Variants in SORL1 observed in about 807,000 individuals in gnomAD.
SORL1 encodes sortilin related receptor 1.
A neutral mutation model predicts 273.7 loss-of-function variants in SORL1; 127 were observed. That is an observed-to-expected ratio of 0.46 (90% confidence interval 0.40 to 0.54). The LOEUF is 0.54. Ranked by LOEUF, SORL1 falls within the 20% of genes least tolerant of loss-of-function variation. The pLI is 0.00. For missense variants in SORL1, 2,494 were observed against 2,846.1 expected, an observed-to-expected ratio of 0.88 and a Z score of 2.81; for synonymous variants, 1,031 against 1,067.4, an observed-to-expected ratio of 0.97 and a Z score of 0.66.
At chr11:121,543,360 G>A (rs1862376156) in intron 12 of SORL1, among the ~76,000 whole-genome samples, 188 bp from the exon 13 acceptor site, 1 of 152,074 alleles carries the variant, frequency 6.6e-6, no homozygotes, top group South Asian at 2.1e-4. Context: ...CATCAGGCTG[G>A]TTCCTGTGTT....
At position 121,588,150 on chromosome 11, in the gene SORL1, C is replaced by T; in HGVS notation, c.3945C>T (p.Cys1315=). The change falls in exon 28 of 48, where the codon TGC becomes TGT. Residue 1315 remains cysteine, a splice_region_variant and synonymous_variant. Coordinates refer to ENST00000260197, the MANE Select transcript of SORL1 (RefSeq NM_003105.6). The part of the protein sequence containing the change: ...GSDEDAAFAG[C]SQDPEFHKVC... ...ATGAGGATGCGGCGTTTGCAGGATG[C>T]TGTGAGTTGGGGCAGGCAGGGGAGG... The T allele has an allele frequency of 6.2e-7, 1 of 1,612,810 alleles. No homozygotes were observed.
intron 29 of SORL1, among the ~76,000 whole-genome samples, chr11:121,589,801 T>C (rs1863181844): frequency 6.6e-6 from 1 of 152,252 alleles, no homozygotes; most frequent in Non-Finnish European, 1.5e-5. Flanking sequence ...GTGATTGTTC[T>C]CAGGATATTG....
At chr11:121,610,742 A>G (rs1195264946) in intron 38 of SORL1, 4 of 194,450 alleles carry the variant, frequency 2.1e-5, no homozygotes, top group Non-Finnish European at 4.2e-5. Context: ...GCCAATCAAG[A>G]TGCCACTCGC....
At chr11:121,622,946 G>C (rs1390809212) in intron 45 of SORL1, among the ~76,000 whole-genome samples, 1 of 152,178 alleles carries the variant, frequency 6.6e-6, no homozygotes, top group East Asian at 1.9e-4. Context: ...TGGCTACCTG[G>C]AGATGCAGCA....
chr11:121,627,500 TG>T lies in SORL1; in HGVS notation c.6365-53del. On this transcript the variant is annotated intron_variant, in intron 46 of 47. Transcript: ENST00000260197. The surrounding 1 kb of genome is among the most constrained non-coding windows in gnomAD (Gnocchi z 4.9). Reference sequence around the variant, plus strand: ...GTGGGTGGGGCCTTGAGGAGTCATCTGGTCTGTTCTCCTGCCCTCAGGTGGG... The same window carrying T: ...GTGGGTGGGGCCTTGAGGAGTCATCTGTCTGTTCTCCTGCCCTCAGGTGGG... 1 of 1,463,488 alleles carries T rather than the reference TG, an allele frequency of 6.8e-7. No individual in the cohort carries two copies. Among genetic ancestry groups the T allele is most frequent in the Non-Finnish European group, 9.6e-7 (1 of 1,044,210 alleles). The allele number at this position is 1,463,488 out of a possible 1,614,324, so 90.7% of individuals were successfully genotyped here.
At position 121,633,165 on chromosome 11, in the gene SORL1, C is replaced by T. The variant is rs1417846908; in HGVS notation, c.*3602C>T. ...AGGAAGAGATATGTACTGCTGGGTA[C>T]ATGGACAGTAAGTGTGTTTTCAGAT... On this transcript the variant is annotated 3_prime_UTR_variant, in exon 48 of 48. Coordinates refer to ENST00000260197, the MANE Select transcript of SORL1 (RefSeq NM_003105.6). 6.6e-6 allele frequency: 1 copy of T among 152,146 alleles called. No homozygotes were observed. The highest frequency in any genetic ancestry group is 1.5e-5 in the Non-Finnish European group (1 of 68,030). The allele number at this position is 152,146 out of a possible 1,614,324, so 9.4% of individuals were successfully genotyped here.
rs546172357 is a variant in SORL1, at chr11:121,627,466, C to CT, written c.6365-82dup. 1.1e-4 allele frequency: 123 copies of CT among 1,087,628 alleles called. No individual in the cohort carries two copies. The highest frequency in any genetic ancestry group is 6.0e-4 in the African/African-American group (39 of 64,544). The allele number at this position is 1,087,628 out of a possible 1,614,324, so 67.4% of individuals were successfully genotyped here. ...TTGTGTAGCTGTGGCTATCGCCCAGCTTTTTTTGGTGGGTGGGGCCTTGAG... is the reference window on the plus strand; with the variant it reads ...TTGTGTAGCTGTGGCTATCGCCCAGCTTTTTTTTGGTGGGTGGGGCCTTGAG... On this transcript the variant is annotated intron_variant, in intron 46 of 47. Transcript: ENST00000260197. This position sits in a 1 kb window ranked among gnomAD's most constrained non-coding sequence, Gnocchi z 4.9.
At chr11:121,536,180 G>A (rs1468986433) in intron 12 of SORL1, among the ~76,000 whole-genome samples, 1 of 152,074 alleles carries the variant, frequency 6.6e-6, no homozygotes, top group South Asian at 2.1e-4. Context: ...TTTCATAGGG[G>A]CTTCTCTCTG....
At chr11:121,547,488 G>A (rs934376184) in intron 14 of SORL1, among the ~76,000 whole-genome samples, 1 of 140,760 alleles carries the variant, frequency 7.1e-6, no homozygotes, top group African/African-American at 2.7e-5. Context: ...GTGCCCTCCT[G>A]GGTAAACTGG....
intron 1 of SORL1, among the ~76,000 whole-genome samples, chr11:121,459,100 A>G (rs1565299086): frequency 6.6e-6 from 1 of 152,182 alleles, no homozygotes; most frequent in Non-Finnish European, 1.5e-5. Context: ...TCTTTCTGTG[A>G]TAGTGATGTT....
chr11:121,474,751 T>C (rs1861234920), intron 2 of SORL1, among the ~76,000 whole-genome samples: 1 of 152,238 alleles, frequency 6.6e-6, no homozygotes, highest in Non-Finnish European at 1.5e-5. Flanking sequence ...GGTATTGGAC[T>C]GTGAGTCAGC....
In SORL1 at chr11:121,520,757, A is replaced by C; in HGVS notation, c.1312A>C (p.Met438Leu). ...LINGSMNEEN[M>L]RSVITFDKGG... ...TAATGGTTCTATGAATGAGGAGAAC[A>C]TGAGATCGGTCATCACCTTTGACAA... The change falls in exon 9 of 48, where the codon ATG becomes CTG. Residue 438 changes from methionine to leucine, a missense_variant. Met to Leu is a conservative substitution (Grantham distance 15, BLOSUM62 2). This residue lies in a region of SORL1 where 710 missense variants were observed against 882.5 expected (regional missense o/e 0.80). Transcript: ENST00000260197. 6.2e-7 allele frequency: 1 copy of C among 1,613,296 alleles called. No homozygotes were observed. The highest frequency in any genetic ancestry group is 8.5e-7 in the Non-Finnish European group (1 of 1,179,570).
At chr11:121,617,405 A>G (rs1336584976) in intron 41 of SORL1, among the ~76,000 whole-genome samples, 3 of 152,220 alleles carry the variant, frequency 2.0e-5, no homozygotes, top group Non-Finnish European at 4.4e-5. Flanking sequence ...GTCACGATAT[A>G]TAGGATTAAA....
intron 12 of SORL1, among the ~76,000 whole-genome samples, chr11:121,536,431 T>G (rs1040769732): frequency 2.7e-5 from 4 of 150,136 alleles, no homozygotes; most frequent in African/African-American, 9.8e-5. Context: ...CACTGTGTTT[T>G]TTTTTTTTTT....
At chr11:121,502,167 A>G (rs1375331312) in intron 6 of SORL1, among the ~76,000 whole-genome samples, 1 of 113,190 alleles carries the variant, frequency 8.8e-6, no homozygotes, top group African/African-American at 3.5e-5. Context: ...ATGGAGTCTC[A>G]CTCTGTCGCT....
In SORL1 at chr11:121,520,816, C is replaced by T; in HGVS notation, c.1371C>T (p.Ala457=). Residue 457 remains alanine, a synonymous_variant, in exon 9 of 48, where the codon GCC becomes GCT. Transcript: ENST00000260197. ...CCTGGGAGTTTCTTCAGGCTCCAGC[C>T]TTCACGGGATATGGAGAGAAAATCA... The part of the protein sequence containing the change: ...GGTWEFLQAP[A]FTGYGEKINC... The T allele has an allele frequency of 6.2e-7, 1 of 1,606,524 alleles. No individual in the cohort carries two copies. Among genetic ancestry groups the T allele is most frequent in the Non-Finnish European group, 8.5e-7 (1 of 1,177,840 alleles).
chr11:121,592,144 G>A (rs950512815), intron 31 of SORL1, among the ~76,000 whole-genome samples: 7 of 152,106 alleles, frequency 4.6e-5, no homozygotes, highest in Admixed American at 4.6e-4. Flanking sequence ...CTTCTTTCCT[G>A]CCTGTGCACC....
intron 3 of SORL1, among the ~76,000 whole-genome samples, chr11:121,486,229 A>G (rs1224561200): frequency 6.6e-6 from 1 of 152,138 alleles, no homozygotes; most frequent in Non-Finnish European, 1.5e-5. Flanking sequence ...TAATCTCCTG[A>G]GCCTTCCTCA....
At chr11:121,618,340 A>C (rs773430625) in intron 41 of SORL1, among the ~76,000 whole-genome samples, 20 of 151,902 alleles carry the variant, frequency 1.3e-4, no homozygotes, top group Non-Finnish European at 2.1e-4. Context: ...CCACTGTGCA[A>C]GCTCCCATGG....
Sources: allele counts gnomAD v4.1 joint callset (sites outside exome capture counted in the v4.1 genomes callset), GRCh38; gene constraint gnomAD v4.1.1; regional missense constraint gnomAD v4.1.1; non-coding constraint Gnocchi (gnomAD v3.1); transcripts MANE v1.5; gene names NCBI Gene and HGNC (gene_info 2026-07-23, HGNC 2026-07-21).